DNAH10: variants seen among roughly 807,000 people sequenced by gnomAD.
DNAH10 encodes axonemal beta dynein heavy chain 10.
A neutral mutation model predicts 506.6 loss-of-function variants in DNAH10; 348 were observed. The observed-to-expected ratio is 0.69, with a 90% CI of 0.63 to 0.75. The LOEUF is 0.75. Ranked by LOEUF, DNAH10 falls within the 30% of genes least tolerant of loss-of-function variation. The pLI, the probability that DNAH10 is intolerant of heterozygous loss-of-function variation, is 0.00. For synonymous variants in DNAH10, 2,059 were observed against 2,198.6 expected (o/e 0.94, Z 1.78); for missense variants, 5,179 against 5,787.1 (o/e 0.89, Z 3.41).
In DNAH10 at chr12:123,918,711, C is replaced by T. The variant is rs1413695514; in HGVS notation, c.11268C>T (p.Ala3756=). The T allele has an allele frequency of 6.3e-7, 1 of 1,586,832 alleles. No individual in the cohort carries two copies. The highest frequency in any genetic ancestry group is 1.1e-5 in the South Asian group (1 of 88,164). ...SEKLKLAEKT[A]LDIDRLRDGY... ...AACTCAAGCTGGCGGAGAAGACAGC[C>T]TTGGACATCGACAGGCTGCGGGATG... Residue 3756 remains alanine, a synonymous_variant, in exon 65 of 79, where the codon GCC becomes GCT. Coordinates refer to ENST00000673944, the MANE Select transcript of DNAH10 (RefSeq NM_001372106.1).
chr12:123,886,103 T>G (rs979431936), intron 51 of DNAH10, among the ~76,000 whole-genome samples: 1 of 152,246 alleles, frequency 6.6e-6, no homozygotes, highest in Non-Finnish European at 1.5e-5. Context: ...TATAACTGTT[T>G]GCAATTGTTT....
chr12:123,881,505 T>G (rs957862034), intron 50 of DNAH10, 120 bp from the exon 51 acceptor site: 1 of 1,056,092 alleles, frequency 9.5e-7, no homozygotes, highest in African/African-American at 1.7e-5. Context: ...GTTGTTTGAT[T>G]TTTTCTCGTA....
At chr12:123,826,503 G>A (rs986768303) in intron 24 of DNAH10, among the ~76,000 whole-genome samples, 184 bp from the exon 25 acceptor site, 1 of 152,148 alleles carries the variant, frequency 6.6e-6, no homozygotes, top group African/African-American at 2.4e-5. Flanking sequence ...TACAAAAAGT[G>A]GAATTCTTTT....
chr12:123,918,907 A>G lies in DNAH10; in HGVS notation c.11464A>G (p.Met3822Val). The G allele has an allele frequency of 1.2e-6, 2 of 1,613,796 alleles. No homozygotes were observed. The highest frequency in any genetic ancestry group is 8.5e-7 in the Non-Finnish European group (1 of 1,179,824). ...CCTCATGAAACGCCTGAGGAACATC[A>G]TGGACACGCTGACCTTCAGCATCTA... ...SILMKRLRNI[M>V]DTLTFSIYNH... The change falls in exon 65 of 79, where the codon ATG becomes GTG. Residue 3822 changes from methionine (M) to valine (V), a missense_variant. Around this residue, in one of 3 missense-constraint regions of DNAH10, gnomAD observed 4,844 missense variants for 5,430.5 expected, o/e 0.89. Transcript: ENST00000673944.
At chr12:123,847,820 G>T (rs1565986867) in intron 32 of DNAH10, 141 bp from the exon 33 acceptor site, 1 of 1,133,494 alleles carries the variant, frequency 8.8e-7, no homozygotes, top group Non-Finnish European at 1.2e-6. Context: ...GCATCCTGTG[G>T]CCCAGTCAAG....
intron 29 of DNAH10, among the ~76,000 whole-genome samples, chr12:123,840,365 G>GGGGA (rs1950724587): frequency 6.7e-6 from 1 of 148,996 alleles, no homozygotes; most frequent in Non-Finnish European, 1.5e-5. Context: ...CTTTCTCAAA[G>GGGGA]GGGAGGCTTC....
intron 2 of DNAH10, among the ~76,000 whole-genome samples, chr12:123,769,214 C>T (rs1026768658): frequency 2.0e-5 from 3 of 150,948 alleles, no homozygotes; most frequent in Admixed American, 1.3e-4. Context: ...GGTGCGATCT[C>T]GGCTTGCTGC....
intron 1 of DNAH10, among the ~76,000 whole-genome samples, chr12:123,765,562 CTT>C (rs1491303589): frequency 3.7e-5 from 2 of 53,346 alleles, no homozygotes; most frequent in African/African-American, 2.5e-4. Context: ...TCTATCTATA[CTT>C]TATCTATCTA....
At chr12:123,817,817 C>T (rs1959172729) in intron 21 of DNAH10, among the ~76,000 whole-genome samples, 1 of 152,130 alleles carries the variant, frequency 6.6e-6, no homozygotes, top group African/African-American at 2.4e-5. Context: ...ATTTTTGCTT[C>T]TAACAGACAC....
chr12:123,926,556 G>A lies in DNAH10; in HGVS notation c.11922-81G>A, dbSNP rs1954951821. Reference sequence around the variant, plus strand: ...TCAGAAGGTTCTGGACACCGGAGGAGGCAGCGCTGATCAGACAGACCAGCC... The same window carrying A: ...TCAGAAGGTTCTGGACACCGGAGGAAGCAGCGCTGATCAGACAGACCAGCC... On this transcript the variant is annotated intron_variant, in intron 68 of 78. Coordinates refer to ENST00000673944, the MANE Select transcript of DNAH10 (RefSeq NM_001372106.1). This position sits in a 1 kb window ranked among gnomAD's most constrained non-coding sequence, Gnocchi z 4.1. The A allele has an allele frequency of 1.4e-6, 2 of 1,464,042 alleles. No individual in the cohort carries two copies. Among genetic ancestry groups the A allele is most frequent in the African/African-American group, 2.8e-5 (2 of 70,646 alleles). 90.7% of individuals were successfully genotyped at this position (1,464,042 alleles called of 1,614,324 possible).
intron 16 of DNAH10, among the ~76,000 whole-genome samples, chr12:123,802,405 A>C (rs1958510376): frequency 6.6e-6 from 1 of 152,202 alleles, no homozygotes; most frequent in Non-Finnish European, 1.5e-5. Context: ...TCCTGGGTTC[A>C]AGCGATTCTC....
intron 13 of DNAH10, among the ~76,000 whole-genome samples, 157 bp downstream of exon 13, chr12:123,796,989 G>C (rs545674709): frequency 7.2e-5 from 11 of 151,994 alleles, no homozygotes; most frequent in Admixed American, 3.3e-4. Flanking sequence ...TCTTGCCTCA[G>C]CCTCCCAAGT....
At chr12:123,767,782 T>TGCC in intron 2 of DNAH10, 93 bp downstream of exon 2, 1 of 1,042,148 alleles carries the variant, frequency 9.6e-7, no homozygotes, top group Non-Finnish European at 1.5e-6. Context: ...CAATCAGTTG[T>TGCC]ACTTTCACTG....
At chr12:123,904,840 G>C (rs1164597086) in intron 57 of DNAH10, among the ~76,000 whole-genome samples, 3 of 152,226 alleles carry the variant, frequency 2.0e-5, no homozygotes, top group African/African-American at 4.8e-5. Context: ...GTAAGCATTA[G>C]CTGTGATTAT....
chr12:123,897,854 G>A lies in DNAH10; in HGVS notation c.9365G>A (p.Ser3122Asn). The change falls in exon 55 of 79, where the codon AGC becomes AAC. Residue 3122 changes from serine to asparagine, a missense_variant. Transcript: ENST00000673944. ...GTTCACCAATCCGTGGACCACTACA[G>A]CCAACAGTTTCTACAGAAATTGAGG... ...VLVHQSVDHY[S>N]QQFLQKLRRS... 1 of 1,611,514 alleles carries A rather than the reference G, an allele frequency of 6.2e-7. No individual in the cohort carries two copies. Among genetic ancestry groups the A allele is most frequent in the Non-Finnish European group, 8.5e-7 (1 of 1,179,264 alleles).
At chr12:123,822,433 G>C (rs1206458423) in intron 24 of DNAH10, among the ~76,000 whole-genome samples, 1 of 152,102 alleles carries the variant, frequency 6.6e-6, no homozygotes, top group Non-Finnish European at 1.5e-5. Flanking sequence ...CTGGGTTCTT[G>C]AGAAACAGAA....
At chr12:123,884,194 C>T (rs961850181) in intron 51 of DNAH10, among the ~76,000 whole-genome samples, 2 of 152,160 alleles carry the variant, frequency 1.3e-5, no homozygotes, top group Non-Finnish European at 2.9e-5. Context: ...GCCACCACGC[C>T]CGGCTAACTT....
chr12:123,934,289 C>T, intron 77 of DNAH10: 1 of 691,866 alleles, frequency 1.4e-6, no homozygotes, highest in Non-Finnish European at 2.6e-6. Context: ...GACTCTGGGA[C>T]CATGCATCTT....
At chr12:123,800,499 T>C (rs1958443165) in intron 15 of DNAH10, 111 bp downstream of exon 15, 10 of 1,068,984 alleles carry the variant, frequency 9.4e-6, no homozygotes, top group Non-Finnish European at 1.3e-5. Flanking sequence ...TTGTGGATTT[T>C]ATAATTATGA....
Sources: gnomAD v4.1 joint callset for allele counts (sites outside exome capture counted in the v4.1 genomes callset) on GRCh38, gnomAD v4.1.1 for gene constraint, gnomAD v4.1.1 regional missense constraint, Gnocchi (gnomAD v3.1) non-coding constraint, MANE v1.5 for transcripts, NCBI Gene and HGNC (gene_info 2026-07-23, HGNC 2026-07-21) for gene names.